DNAH10: variants seen among roughly 807,000 people sequenced by gnomAD.
The protein encoded by DNAH10 is dynein axonemal heavy chain 10.
Under a neutral mutation model 506.6 loss-of-function variants are expected in DNAH10, and 348 were observed. The ratio of observed to expected loss-of-function variants is 0.69; its 90% CI spans 0.63 to 0.75. The LOEUF (loss-of-function observed/expected upper bound fraction) is 0.75, where lower values mean the gene tolerates loss of function less well. Among genes scored for constraint, DNAH10 ranks in the 30% least tolerant of loss-of-function variants. DNAH10 has a pLI of 0.00. For synonymous variants in DNAH10, 2,059 were observed against 2,198.6 expected (o/e 0.94, Z 1.78); for missense variants, 5,179 against 5,787.1 (o/e 0.89, Z 3.41).
Position 123,819,178 on chromosome 12 carries a change from G to A in DNAH10, c.3928G>A (p.Val1310Ile). 6.2e-7 allele frequency: 1 copy of A among 1,613,650 alleles called. No individual in the cohort carries two copies. The highest frequency in any genetic ancestry group is 8.5e-7 in the Non-Finnish European group (1 of 1,179,790). ...LTRGEIMNYR[V>I]QIEEFAKRFY... ...TCGAGGCGAAATAATGAACTACAGA[G>A]TTCAGATAGAGGAGTTTGCAAAGCG... is the stretch of plus-strand genomic sequence containing the variant. Residue 1310 changes from valine (V) to isoleucine (I), a missense_variant, in exon 23 of 79, where the codon GTT becomes ATT. Around this residue, in one of 3 missense-constraint regions of DNAH10, gnomAD observed 4,844 missense variants for 5,430.5 expected, o/e 0.89. Transcript: ENST00000673944.
At chr12:123,930,652 T>C in intron 73 of DNAH10, 79 bp downstream of exon 73, 1 of 1,514,556 alleles carries the variant, frequency 6.6e-7, no homozygotes, top group South Asian at 1.2e-5. Context: ...GCTCCTCTCC[T>C]GGTGGGGGCT....
chr12:123,776,003 C>T (rs1466020955), intron 5 of DNAH10, among the ~76,000 whole-genome samples: 1 of 152,122 alleles, frequency 6.6e-6, no homozygotes, highest in Non-Finnish European at 1.5e-5. Context: ...GAGGGAAAAG[C>T]CGCTTATAAA....
At chr12:123,878,059 A>G (rs1952339115) in intron 48 of DNAH10, among the ~76,000 whole-genome samples, 151 bp downstream of exon 48, 1 of 152,256 alleles carries the variant, frequency 6.6e-6, no homozygotes, top group African/African-American at 2.4e-5. Context: ...AGAGACCAAC[A>G]CTTGGCTTAA....
chr12:123,934,327 A>G, intron 77 of DNAH10: 1 of 680,936 alleles, frequency 1.5e-6, no homozygotes, highest in Non-Finnish European at 2.7e-6. Flanking sequence ...GGGTGGTCTA[A>G]GTCCGTGGGC....
chr12:123,874,918 C>G (rs1057217271), intron 46 of DNAH10, among the ~76,000 whole-genome samples: 1 of 152,230 alleles, frequency 6.6e-6, no homozygotes. Context: ...TCTGTCCATC[C>G]ATCCATCCGT....
At chr12:123,869,547 C>T (rs762957045) in intron 43 of DNAH10, among the ~76,000 whole-genome samples, 3 of 152,226 alleles carry the variant, frequency 2.0e-5, no homozygotes, top group South Asian at 2.1e-4. Flanking sequence ...CCGCGCTCTC[C>T]GCAGCTGATC....
intron 19 of DNAH10, among the ~76,000 whole-genome samples, chr12:123,810,012 C>A (rs1958869773): frequency 6.6e-6 from 1 of 152,154 alleles, no homozygotes; most frequent in Admixed American, 6.5e-5. Context: ...CACTCTCCGA[C>A]CTTTTCTTAT....
Position 123,799,375 on chromosome 12 carries a change from C to T in DNAH10, c.2289+4C>T, listed in dbSNP as rs775752311. ...GAAGAAGAGCCTTTTGACCAAGGTG[C>T]GCTGCCCACGCCCTCATTCCCGATT... On this transcript the variant is annotated splice_donor_region_variant and intron_variant, in intron 14 of 78. Coordinates refer to ENST00000673944, the MANE Select transcript of DNAH10 (RefSeq NM_001372106.1). 44 of 1,610,318 alleles carry T rather than the reference C, an allele frequency of 2.7e-5. No individual in the cohort carries two copies. The highest frequency in any genetic ancestry group is 4.4e-5 in the South Asian group (4 of 90,682).
chr12:123,845,719 A>G lies in DNAH10; in HGVS notation c.5480A>G (p.Lys1827Arg), dbSNP rs981109399. 3 of 1,613,884 alleles carry G rather than the reference A, an allele frequency of 1.9e-6. No individual in the cohort carries two copies. Among genetic ancestry groups the G allele is most frequent in the Non-Finnish European group, 2.5e-6 (3 of 1,179,898 alleles). The change falls in exon 31 of 79, where the codon AAG (lysine) becomes AGG (arginine). Residue 1827 changes from lysine (K) to arginine (R), a missense_variant. Around this residue, in one of 3 missense-constraint regions of DNAH10, gnomAD observed 4,844 missense variants for 5,430.5 expected, o/e 0.89. Coordinates refer to ENST00000673944, the MANE Select transcript of DNAH10 (RefSeq NM_001372106.1). ...KAQKGEKQAM[K>R]NYGRKMHRQI... ...CAAAAAGGGGAGAAGCAGGCCATGAAGAACTATGGCAGGAAAATGCACCGG... is the reference window on the plus strand; with the variant it reads ...CAAAAAGGGGAGAAGCAGGCCATGAGGAACTATGGCAGGAAAATGCACCGG...
chr12:123,867,477 A>G lies in DNAH10; in HGVS notation c.7178A>G (p.Tyr2393Cys), dbSNP rs764042213. The G allele has an allele frequency of 6.2e-7, 1 of 1,613,152 alleles. No homozygotes were observed. Among genetic ancestry groups the G allele is most frequent in the African/African-American group, 1.3e-5 (1 of 74,900 alleles). Residue 2393 changes from tyrosine to cysteine, a missense_variant, in exon 42 of 79, where the codon TAC (tyrosine) becomes TGC (cysteine). Transcript: ENST00000673944. ...VNQIPNKVEQ[Y>C]NLNSLFEKYV... ...GCTACTTTTTTATAGGTGGAGCAAT[A>G]CAATTTGAATAGTCTCTTTGAGAAG...
At chr12:123,859,304 A>G in intron 38 of DNAH10, 36 bp downstream of exon 38, 1 of 1,469,394 alleles carries the variant, frequency 6.8e-7, no homozygotes, top group South Asian at 1.3e-5. Context: ...CCTGGCTGCC[A>G]CAGGGGCTCA....
intron 51 of DNAH10, among the ~76,000 whole-genome samples, chr12:123,884,625 A>G (rs1952650766): frequency 6.6e-6 from 1 of 152,174 alleles, no homozygotes; most frequent in Non-Finnish European, 1.5e-5. Flanking sequence ...CACCCTCATC[A>G]CCTAATCACC....
At chr12:123,795,156 A>G (rs1197615784) in intron 12 of DNAH10, among the ~76,000 whole-genome samples, 2 of 151,706 alleles carry the variant, frequency 1.3e-5, no homozygotes, top group South Asian at 2.1e-4. Context: ...CAAAAAAAAA[A>G]AAAAAAGAAA....
Position 123,850,502 on chromosome 12 carries a change from G to A in DNAH10, c.6103-386G>A, listed in dbSNP as rs529356892. ...CCAACCTGGGCTGTCTCCTTTCATCGCCACAGCCGTGCCACGAGGTGGGTT... is the reference window on the plus strand; with the variant it reads ...CCAACCTGGGCTGTCTCCTTTCATCACCACAGCCGTGCCACGAGGTGGGTT... On this transcript the variant is annotated intron_variant, in intron 34 of 78. Coordinates refer to ENST00000673944, the MANE Select transcript of DNAH10 (RefSeq NM_001372106.1). The surrounding 1 kb of genome is among the most constrained non-coding windows in gnomAD (Gnocchi z 5.5). Among the ~76,000 whole-genome samples the A allele has an allele frequency of 1.3e-5, 2 of 152,298 alleles. No homozygotes were observed. Among genetic ancestry groups the A allele is most frequent in the East Asian group, 3.9e-4 (2 of 5,166 alleles).
chr12:123,906,488 C>T (rs1953787777), intron 57 of DNAH10, among the ~76,000 whole-genome samples: 1 of 152,126 alleles, frequency 6.6e-6, no homozygotes, highest in African/African-American at 2.4e-5. Context: ...GTGATCCACC[C>T]ACCTCAGCCT....
Position 123,926,985 on chromosome 12 carries a change from G to T in DNAH10, c.12105+165G>T. On this transcript the variant is annotated intron_variant, in intron 69 of 78. Coordinates refer to ENST00000673944, the MANE Select transcript of DNAH10 (RefSeq NM_001372106.1). This position sits in a 1 kb window ranked among gnomAD's most constrained non-coding sequence, Gnocchi z 4.1. ...AAACACTGGGAAGATGACAATAATA[G>T]TTATGATTTCACAACCTCATGTTGT... The T allele has an allele frequency of 1.4e-6, 1 of 733,818 alleles. No individual in the cohort carries two copies. The highest frequency in any genetic ancestry group is 1.9e-5 in the South Asian group (1 of 52,822). 45.5% of individuals were successfully genotyped at this position (733,818 alleles called of 1,614,324 possible).
At chr12:123,848,589 T>C (rs1223594350) in intron 33 of DNAH10, 141 bp from the exon 34 acceptor site, 1 of 1,188,998 alleles carries the variant, frequency 8.4e-7, no homozygotes. Context: ...AAAAATCCAC[T>C]AGTCAAGTGG....
chr12:123,789,093 CA>C (rs1410655290), intron 10 of DNAH10, among the ~76,000 whole-genome samples: 2 of 151,766 alleles, frequency 1.3e-5, no homozygotes, highest in Non-Finnish European at 2.9e-5. Flanking sequence ...ATGAAAAATA[CA>C]AAAATTAGCT....
rs1387597786 is a variant in DNAH10, at chr12:123,917,820, A to G, written c.11232+7A>G. 17 of 1,562,978 alleles carry G rather than the reference A, an allele frequency of 1.1e-5. No homozygotes were observed. The highest frequency in any genetic ancestry group is 1.5e-5 in the Non-Finnish European group (17 of 1,153,888). ...CAAATCCAAGGCAACAGAGGTAGCAACCACAGTGGAAGAGGCCGTGAGTCA... is the reference window on the plus strand; with the variant it reads ...CAAATCCAAGGCAACAGAGGTAGCAGCCACAGTGGAAGAGGCCGTGAGTCA... On this transcript the variant is annotated splice_region_variant and intron_variant, in intron 64 of 78. Coordinates refer to ENST00000673944, the MANE Select transcript of DNAH10 (RefSeq NM_001372106.1). The surrounding 1 kb of genome is among the most constrained non-coding windows in gnomAD (Gnocchi z 5.6).
Sources: gnomAD v4.1 joint callset for allele counts (sites outside exome capture counted in the v4.1 genomes callset) on GRCh38, gnomAD v4.1.1 for gene constraint, gnomAD v4.1.1 regional missense constraint, Gnocchi (gnomAD v3.1) non-coding constraint, MANE v1.5 for transcripts, NCBI Gene and HGNC (gene_info 2026-07-23, HGNC 2026-07-21) for gene names.